KHDRBS2: variants seen among roughly 807,000 people sequenced by gnomAD.
The protein encoded by KHDRBS2 is KH RNA binding domain containing, signal transduction associated 2, also known as KH domain-containing, RNA-binding, signal transduction-associated protein 2.
Under a neutral mutation model 44.3 loss-of-function variants are expected in KHDRBS2, and 26 were observed. The ratio of observed to expected loss-of-function variants is 0.59; its 90% CI spans 0.43 to 0.81. The LOEUF (loss-of-function observed/expected upper bound fraction) is 0.81. KHDRBS2 is among the 40% of genes least tolerant of loss of function. The probability of loss-of-function intolerance (pLI) is 0.00; values close to 1 mark genes in which losing one functional copy is unlikely to be tolerated. For synonymous variants in KHDRBS2, 194 were observed against 151.1 expected (o/e 1.28, Z -2.08); for missense variants, 476 against 433.1 (o/e 1.10, Z -0.88).
chr6:62,135,852 A>G (rs947782026), intron 2 of KHDRBS2, among the ~76,000 whole-genome samples: 1 of 152,188 alleles, frequency 6.6e-6, no homozygotes, highest in East Asian at 1.9e-4. Flanking sequence ...TCACATATGG[A>G]AAGTAAAAAA....
At chr6:61,939,288 C>T (rs557572816) in intron 4 of KHDRBS2, among the ~76,000 whole-genome samples, 1 of 152,306 alleles carries the variant, frequency 6.6e-6, no homozygotes, top group South Asian at 2.1e-4. Flanking sequence ...CGATTTGGGA[C>T]ATTAAACAAT....
the KHDRBS2 span, among the ~76,000 whole-genome samples, chr6:61,575,335 T>C: frequency 6.6e-6 from 1 of 151,988 alleles, no homozygotes; most frequent in African/African-American, 2.4e-5. Flanking sequence ...AAAGAAGATA[T>C]ACAAATAGCC....
chr6:61,982,362 T>C (rs1467665999), intron 3 of KHDRBS2, among the ~76,000 whole-genome samples: 2 of 152,064 alleles, frequency 1.3e-5, no homozygotes, highest in Non-Finnish European at 2.9e-5. Context: ...CCTTCTGATG[T>C]CATTATTTAA....
intron 2 of KHDRBS2, 137 bp from the exon 3 acceptor site, chr6:62,048,131 C>T (rs1788137212): frequency 3.4e-6 from 2 of 587,732 alleles, no homozygotes; most frequent in African/African-American, 1.9e-5. Flanking sequence ...TACACACACA[C>T]ACACACACAC....
rs190799768 is a variant in KHDRBS2, at chr6:62,214,631, C to T, written c.92-37319G>A. ...ATATTTTTACCCACATCTCTCTGAC[C>T]AGAACTCATTCACATGACTGCAATT... On this transcript the variant is annotated intron_variant, in intron 1 of 8. Transcript: ENST00000281156. 1.4e-4 allele frequency among the ~76,000 whole-genome samples: 22 copies of T among 151,846 alleles called. 1 individual carries two copies. Among genetic ancestry groups the T allele is most frequent in the Admixed American group, 1.1e-3 (16 of 15,234 alleles).
At chr6:62,129,854 G>A (rs1007374544) in intron 2 of KHDRBS2, among the ~76,000 whole-genome samples, 8 of 151,962 alleles carry the variant, frequency 5.3e-5, no homozygotes, top group Non-Finnish European at 1.0e-4. Flanking sequence ...AGAATTTTAA[G>A]AAAATACCAT....
intron 7 of KHDRBS2, among the ~76,000 whole-genome samples, chr6:61,708,763 G>T (rs1247705855): frequency 6.6e-6 from 1 of 151,528 alleles, no homozygotes; most frequent in Non-Finnish European, 1.5e-5. Context: ...TTGTTTTTCT[G>T]ACTGGTTTGT....
chr6:62,128,227 G>T (rs1243727207), intron 2 of KHDRBS2, among the ~76,000 whole-genome samples: 1 of 152,046 alleles, frequency 6.6e-6, no homozygotes, highest in African/African-American at 2.4e-5. Context: ...ACTCCCTATA[G>T]AATTATGGGC....
intron 6 of KHDRBS2, among the ~76,000 whole-genome samples, chr6:61,786,373 A>G (rs1783810480): frequency 1.3e-5 from 2 of 152,032 alleles, no homozygotes; most frequent in South Asian, 4.1e-4. Flanking sequence ...TAATCACTGA[A>G]TATAACATTT....
At chr6:61,546,872 T>G in the KHDRBS2 span, among the ~76,000 whole-genome samples, 1 of 152,132 alleles carries the variant, frequency 6.6e-6, no homozygotes, top group African/African-American at 2.4e-5. Context: ...ATTTCTGTTT[T>G]ACAATAATTT....
chr6:62,153,245 T>C (rs1026101949), intron 2 of KHDRBS2, among the ~76,000 whole-genome samples: 4 of 152,158 alleles, frequency 2.6e-5, no homozygotes, highest in African/African-American at 7.2e-5. Context: ...CAGAGTCAAA[T>C]TCCAAATCCT....
chr6:61,640,338 C>T, the KHDRBS2 span, among the ~76,000 whole-genome samples: 70 of 152,018 alleles, frequency 4.6e-4, no homozygotes, highest in Admixed American at 1.5e-3. Flanking sequence ...AGTAAAATGC[C>T]GTAGAATAAT....
chr6:61,912,430 T>G (rs1218642513), intron 4 of KHDRBS2, among the ~76,000 whole-genome samples: 1 of 152,222 alleles, frequency 6.6e-6, no homozygotes, highest in Admixed American at 6.6e-5. Context: ...GGGCTTCTTG[T>G]CCTCAATTAG....
chr6:61,655,547 G>T, the KHDRBS2 span, among the ~76,000 whole-genome samples: 1 of 152,066 alleles, frequency 6.6e-6, no homozygotes, highest in South Asian at 2.1e-4. Flanking sequence ...GAGCCAATGT[G>T]CTTTGCCTAA....
At chr6:61,939,893 T>C (rs897728396) in intron 4 of KHDRBS2, among the ~76,000 whole-genome samples, 5 of 152,318 alleles carry the variant, frequency 3.3e-5, no homozygotes, top group South Asian at 2.1e-4. Flanking sequence ...TTTCCTAGTA[T>C]ACACATTAGA....
chr6:61,557,518 T>C, the KHDRBS2 span, among the ~76,000 whole-genome samples: 1 of 152,316 alleles, frequency 6.6e-6, no homozygotes, highest in South Asian at 2.1e-4. Context: ...TGTTATTTAG[T>C]AAAACACTCC....
chr6:61,704,750 C>A (rs1414730201), intron 7 of KHDRBS2, among the ~76,000 whole-genome samples: 1 of 96,748 alleles, frequency 1.0e-5, no homozygotes, highest in African/African-American at 2.9e-5. Context: ...GCACATTATT[C>A]AACACATAGT....
intron 7 of KHDRBS2, among the ~76,000 whole-genome samples, chr6:61,728,291 G>A (rs1160117789): frequency 3.3e-5 from 5 of 151,982 alleles, no homozygotes; most frequent in African/African-American, 4.8e-5. Flanking sequence ...CTCTTGGAGG[G>A]GGGTTGTGGA....
intron 1 of KHDRBS2, among the ~76,000 whole-genome samples, chr6:62,262,985 A>G (rs939314569): frequency 6.6e-6 from 1 of 151,772 alleles, no homozygotes; most frequent in African/African-American, 2.4e-5. Flanking sequence ...CATGCCTTAC[A>G]GGCAAGCAAG....
Sources: gnomAD v4.1 joint callset for allele counts (sites outside exome capture counted in the v4.1 genomes callset) on GRCh38, gnomAD v4.1.1 for gene constraint, MANE v1.5 for transcripts, NCBI Gene and HGNC (gene_info 2026-07-23, HGNC 2026-07-21) for gene names.